The following FAT1 variants were observed in gnomAD, a reference collection of about 807,000 sequenced individuals.
FAT1 encodes the protein protocadherin Fat 1.
FAT1 carries 171 observed loss-of-function variants against 329.8 expected under a neutral mutation model. The observed-to-expected ratio is 0.52, with a 90% CI of 0.46 to 0.59. The LOEUF (loss-of-function observed/expected upper bound fraction) is 0.59, where lower values mean the gene tolerates loss of function less well. Ranked by LOEUF, FAT1 falls within the 20% of genes least tolerant of loss-of-function variation. The pLI, the probability that FAT1 is intolerant of heterozygous loss-of-function variation, is 0.00. For missense variants in FAT1, 5,672 were observed against 5,774.4 expected, an observed-to-expected ratio of 0.98 and a Z score of 0.57; for synonymous variants, 2,233 against 2,228.6, an observed-to-expected ratio of 1.00 and a Z score of -0.06.
chr4:186,601,506 T>A, intron 20 of FAT1, 80 bp from the exon 21 acceptor site: 1 of 1,142,886 alleles, frequency 8.7e-7, no homozygotes, highest in Non-Finnish European at 1.3e-6. Context: ...CTGCACCCCT[T>A]GAGACTGATT....
At position 186,635,947 on chromosome 4, in the gene FAT1, C is replaced by T. The variant is rs915690459; in HGVS notation, c.4183+78G>A. 1.2e-5 allele frequency: 15 copies of T among 1,293,060 alleles called. No individual in the cohort carries two copies. The African/African-American group carries it at 1.9e-4, about 16-fold the overall frequency. The allele number at this position is 1,293,060 out of a possible 1,614,324, so 80.1% of individuals were successfully genotyped here. On this transcript the variant is annotated intron_variant, in intron 6 of 26. Coordinates refer to ENST00000441802, the MANE Select transcript of FAT1 (RefSeq NM_005245.4). ...TCCCAATTTTAAATCCTGACTTGTGCCCAAAACTCATCAAACCGTATGCAG... is the reference window on the plus strand; with the variant it reads ...TCCCAATTTTAAATCCTGACTTGTGTCCAAAACTCATCAAACCGTATGCAG...
intron 1 of FAT1, among the ~76,000 whole-genome samples, chr4:186,720,390 A>C (rs1273282288): frequency 6.6e-6 from 1 of 151,932 alleles, no homozygotes; most frequent in African/African-American, 2.4e-5. Flanking sequence ...GACAAAAAAA[A>C]GAAGCCAATC....
intron 2 of FAT1, among the ~76,000 whole-genome samples, chr4:186,694,848 G>T (rs1470195848): frequency 6.6e-6 from 1 of 152,216 alleles, no homozygotes; most frequent in South Asian, 2.1e-4. Context: ...TGTAATCCCA[G>T]CTACTTGGGA....
intron 5 of FAT1, 122 bp from the exon 6 acceptor site, chr4:186,636,357 T>C: frequency 1.1e-6 from 1 of 944,796 alleles, no homozygotes; most frequent in Non-Finnish European, 1.6e-6. Context: ...ACATTTGTAT[T>C]CTGTGTATGG....
chr4:186,638,043 A>G (rs1689404438), intron 4 of FAT1, among the ~76,000 whole-genome samples: 1 of 152,254 alleles, frequency 6.6e-6, no homozygotes, highest in African/African-American at 2.4e-5. Flanking sequence ...ATTCATCACC[A>G]AATTGTTCCT....
At chr4:186,724,183 TAA>T (rs59026469), upstream of FAT1, among the ~76,000 whole-genome samples, 21 of 71,320 alleles carry the variant, frequency 2.9e-4, no homozygotes, top group Non-Finnish European at 3.5e-4. The surrounding 1 kb of genome is among the most constrained non-coding windows in gnomAD (Gnocchi z 5.3). Context: ...TTAGCTTAGC[TAA>T]AAAAAAAAAA....
chr4:186,644,507 T>C (rs544497713), intron 3 of FAT1, among the ~76,000 whole-genome samples: 5 of 144,378 alleles, frequency 3.5e-5, no homozygotes, highest in African/African-American at 1.2e-4. Context: ...ACACAGTATA[T>C]TCTCACCAAT....
intron 3 of FAT1, among the ~76,000 whole-genome samples, chr4:186,651,200 AACAG>A (rs138888968): frequency 0.051 from 7,766 of 151,752 alleles, 229 homozygotes; most frequent in Middle Eastern, 0.069. Context: ...CTACAGAAAT[AACAG>A]ACTGTAACTG....
At chr4:186,692,149 T>C (rs1410931368) in intron 2 of FAT1, among the ~76,000 whole-genome samples, 4 of 152,218 alleles carry the variant, frequency 2.6e-5, no homozygotes, top group Non-Finnish European at 5.9e-5. Context: ...AGTGAGTCAA[T>C]ACAGTTACAC....
At chr4:186,650,644 C>T (rs916829293) in intron 3 of FAT1, among the ~76,000 whole-genome samples, 21 of 152,136 alleles carry the variant, frequency 1.4e-4, no homozygotes, top group African/African-American at 4.6e-4. Flanking sequence ...ACTGTCCTTT[C>T]GATTTTAACC....
intron 2 of FAT1, among the ~76,000 whole-genome samples, chr4:186,669,079 G>GT (rs1488695463): frequency 1.3e-5 from 2 of 152,276 alleles, no homozygotes; most frequent in East Asian, 1.9e-4. Flanking sequence ...GGGCACCTAT[G>GT]TATATCCACC....
At chr4:186,716,768 T>C (rs1488346291) in intron 1 of FAT1, among the ~76,000 whole-genome samples, 1 of 152,150 alleles carries the variant, frequency 6.6e-6, no homozygotes, top group Non-Finnish European at 1.5e-5. Context: ...AGATTATGAA[T>C]TGTAAACGAG....
At chr4:186,622,277 C>T (rs1408277111) in intron 9 of FAT1, among the ~76,000 whole-genome samples, 1 of 152,192 alleles carries the variant, frequency 6.6e-6, no homozygotes, top group African/African-American at 2.4e-5. Flanking sequence ...TGTGTGTAAC[C>T]CACCCCACTT....
chr4:186,718,003 T>G (rs371028404), intron 1 of FAT1, among the ~76,000 whole-genome samples: 1 of 152,158 alleles, frequency 6.6e-6, no homozygotes, highest in East Asian at 1.9e-4. Context: ...CTTGGCAGAG[T>G]AGCCAATAAT....
intron 2 of FAT1, among the ~76,000 whole-genome samples, chr4:186,701,936 T>C (rs1744339204): frequency 6.6e-6 from 1 of 152,136 alleles, no homozygotes; most frequent in South Asian, 2.1e-4. Context: ...TGTGTGCACC[T>C]AAGCCGGGCG....
At position 186,630,557 on chromosome 4, in the gene FAT1, AGT is replaced by A. The variant is rs150236187; in HGVS notation, c.4324-1796_4324-1795del. On this transcript the variant is annotated intron_variant, in intron 7 of 26. Transcript: ENST00000441802. ...AGAATGGCGACTGGAAGGTGAATTG[AGT>A]GTTGGTGGGACAAGAGCCCAAACCA... is the stretch of plus-strand genomic sequence containing the variant. 5.8e-3 allele frequency among the ~76,000 whole-genome samples: 890 copies of A among 152,252 alleles called. 11 individuals carry two copies. Among genetic ancestry groups the A allele is most frequent in the African/African-American group, 0.02 (839 of 41,534 alleles).
At chr4:186,702,741 G>C (rs1744388423) in intron 2 of FAT1, among the ~76,000 whole-genome samples, 1 of 152,174 alleles carries the variant, frequency 6.6e-6, no homozygotes, top group Non-Finnish European at 1.5e-5. Flanking sequence ...ACCCACAAGA[G>C]GGATGCTCCA....
chr4:186,708,337 G>A lies in FAT1; in HGVS notation c.1491C>T (p.Tyr497=), dbSNP rs755548592. ...AVDPDEGENG[Y]VTYSIANLNH... The stretch of plus-strand genomic sequence containing the variant: ...TTAAATTTGCGATACTGTATGTCAC[G>A]TACCCGTTCTCACCCTCATCAGGGT... The change falls in exon 2 of 27, where the codon TAC becomes TAT. Residue 497 remains tyrosine (Y), a synonymous_variant. Transcript: ENST00000441802. 8.5e-5 allele frequency: 137 copies of A among 1,613,726 alleles called. No individual in the cohort carries two copies. In the Admixed American group the frequency reaches 1.0e-3, roughly 12 times the overall value.
chr4:186,702,692 C>A (rs1036441090), intron 2 of FAT1, among the ~76,000 whole-genome samples: 2 of 152,178 alleles, frequency 1.3e-5, no homozygotes, highest in Admixed American at 6.5e-5. Context: ...TTGCTAAGTA[C>A]ACATCAGCTA....
Sources: allele counts gnomAD v4.1 joint callset (sites outside exome capture counted in the v4.1 genomes callset), GRCh38; gene constraint gnomAD v4.1.1; non-coding constraint Gnocchi (gnomAD v3.1); transcripts MANE v1.5; gene names NCBI Gene and HGNC (gene_info 2026-07-23, HGNC 2026-07-21).